The following VWA3B variants were observed in gnomAD, a reference collection of about 807,000 sequenced individuals.
VWA3B encodes von Willebrand factor A domain-containing protein 3B.
A neutral mutation model predicts 158.3 loss-of-function variants in VWA3B; 138 were observed. That is an observed-to-expected ratio of 0.87 (90% CI 0.76 to 1.00). The LOEUF (loss-of-function observed/expected upper bound fraction) is 1.00. VWA3B is among the 50% of genes least tolerant of loss of function. The pLI is 0.00. For missense variants in VWA3B, 1,555 were observed against 1,565.1 expected (o/e 0.99, Z 0.11); for synonymous variants, 596 against 587.3 (o/e 1.01, Z -0.21).
chr2:98,303,103 G>A (rs1690295617), intron 25 of VWA3B, among the ~76,000 whole-genome samples: 1 of 152,178 alleles, frequency 6.6e-6, no homozygotes, highest in African/African-American at 2.4e-5. Context: ...TGAAAGGGAG[G>A]GATGTTTTAA....
chr2:98,253,227 A>G (rs1234020146), intron 20 of VWA3B, among the ~76,000 whole-genome samples: 1 of 152,156 alleles, frequency 6.6e-6, no homozygotes, highest in Non-Finnish European at 1.5e-5. Context: ...TACCACCCCC[A>G]TCCCCTATAT....
chr2:98,196,828 G>A (rs1205424118), intron 12 of VWA3B, among the ~76,000 whole-genome samples: 1 of 152,138 alleles, frequency 6.6e-6, no homozygotes, highest in Non-Finnish European at 1.5e-5. Context: ...GTTTTGTTTT[G>A]CTTTTAACTT....
chr2:98,327,096 A>T, the VWA3B span, among the ~76,000 whole-genome samples: 3 of 151,608 alleles, frequency 2.0e-5, no homozygotes, highest in African/African-American at 7.3e-5. Context: ...GGAGTTTGAG[A>T]CCAGCCTGGG....
intron 20 of VWA3B, among the ~76,000 whole-genome samples, chr2:98,251,832 T>C (rs1345842914): frequency 2.0e-5 from 3 of 152,122 alleles, no homozygotes; most frequent in Admixed American, 6.5e-5. Context: ...TGAGCCTCCA[T>C]CGTTGCCCTC....
chr2:98,230,258 A>G (rs772316646), intron 16 of VWA3B, 51 bp downstream of exon 16: 5 of 1,456,688 alleles, frequency 3.4e-6, no homozygotes, highest in Non-Finnish European at 4.5e-6. Flanking sequence ...CTTCAAGGCA[A>G]GAAGATAGAA....
rs397873615 is a variant in VWA3B, at chr2:98,135,325, CTTTTT to C, written c.988+1410_988+1414del. Among the ~76,000 whole-genome samples, 3 of 96,390 alleles carry C rather than the reference CTTTTT, an allele frequency of 3.1e-5. 1 individual carries two copies. The highest frequency in any genetic ancestry group is 2.0e-5 in the Non-Finnish European group (1 of 50,598). 63.2% of individuals were successfully genotyped at this position (96,390 alleles called of 152,430 possible). A position where few individuals can be genotyped will look rare whatever the true frequency, so the allele number is the denominator to read the frequency against. On this transcript the variant is annotated intron_variant, in intron 7 of 27. Transcript: ENST00000477737. ...GCAAATTACATACAAAAACATTTTT[CTTTTT>C]TTTTTTTTTTTTTTTTTTTTTTTGA...
At chr2:98,294,452 G>A (rs1689684680) in intron 23 of VWA3B, among the ~76,000 whole-genome samples, 1 of 152,262 alleles carries the variant, frequency 6.6e-6, no homozygotes, top group African/African-American at 2.4e-5. Flanking sequence ...TGTTGCCACT[G>A]TTGTCGGGAT....
chr2:98,242,807 G>C (rs1278795419), intron 19 of VWA3B, among the ~76,000 whole-genome samples: 1 of 150,754 alleles, frequency 6.6e-6, no homozygotes, highest in African/African-American at 2.5e-5. Context: ...TGGCTATTCA[G>C]CTCACCATTT....
chr2:98,260,649 A>G (rs1687424636), intron 21 of VWA3B, among the ~76,000 whole-genome samples: 1 of 151,744 alleles, frequency 6.6e-6, no homozygotes, highest in Admixed American at 6.6e-5. Flanking sequence ...ATACCAAGGC[A>G]TAACTATACA....
rs188379291 is a variant in VWA3B at position 98,265,511 on chromosome 2, C to T, written c.2844-5171C>T. 2.9e-3 allele frequency among the ~76,000 whole-genome samples: 448 copies of T among 152,100 alleles called. 1 individual carries two copies. Among genetic ancestry groups the T allele is most frequent in the African/African-American group, 9.8e-3 (407 of 41,436 alleles). ...TAATGCCTCAATAAACATACGTGTG[C>T]GTGTGTCTTTATAGCAGCATGATTT... On this transcript the variant is annotated intron_variant, in intron 21 of 27. Transcript: ENST00000477737.
At chr2:98,254,442 G>T (rs971824936) in intron 20 of VWA3B, among the ~76,000 whole-genome samples, 1 of 152,092 alleles carries the variant, frequency 6.6e-6, no homozygotes, top group Non-Finnish European at 1.5e-5. Flanking sequence ...CCTAAAATGC[G>T]TACTATAAAT....
chr2:98,248,782 T>TC (rs1453466399), intron 19 of VWA3B, among the ~76,000 whole-genome samples: 2 of 152,172 alleles, frequency 1.3e-5, no homozygotes, highest in Non-Finnish European at 2.9e-5. Context: ...TAAAAACCTA[T>TC]CAGCGTGTGT....
intron 15 of VWA3B, 137 bp downstream of exon 15, chr2:98,228,469 G>A: frequency 9.0e-7 from 1 of 1,112,266 alleles, no homozygotes; most frequent in Non-Finnish European, 1.2e-6. Context: ...GATTAAGTTA[G>A]GATTTTTTTA....
At chr2:98,277,004 T>C (rs1688567206) in intron 22 of VWA3B, among the ~76,000 whole-genome samples, 1 of 152,182 alleles carries the variant, frequency 6.6e-6, no homozygotes, top group Non-Finnish European at 1.5e-5. Context: ...CTGTGCCTGC[T>C]TTTTATGCTC....
At chr2:98,276,651 A>T (rs957064925) in intron 22 of VWA3B, among the ~76,000 whole-genome samples, 3 of 146,942 alleles carry the variant, frequency 2.0e-5, no homozygotes, top group Non-Finnish European at 4.5e-5. Context: ...GGCTGTGGCC[A>T]TTGCGTTTGG....
chr2:98,229,950 C>CA (rs1401551514), intron 15 of VWA3B, 100 bp from the exon 16 acceptor site: 1 of 1,298,496 alleles, frequency 7.7e-7, no homozygotes, highest in Non-Finnish European at 1.0e-6. Flanking sequence ...TTAAAGTTTG[C>CA]AGTGTTCAAC....
chr2:98,330,072 C>T, the VWA3B span, among the ~76,000 whole-genome samples: 1 of 152,236 alleles, frequency 6.6e-6, no homozygotes, highest in Non-Finnish European at 1.5e-5. Context: ...TACCCTACAA[C>T]ATCTGGGACT....
At chr2:98,204,460 A>G (rs1445913522) in intron 12 of VWA3B, among the ~76,000 whole-genome samples, 1 of 152,200 alleles carries the variant, frequency 6.6e-6, no homozygotes, top group Non-Finnish European at 1.5e-5. Context: ...GAATTTTTAT[A>G]CTGAATGAAG....
At chr2:98,282,206 G>T (rs1688916791) in intron 22 of VWA3B, among the ~76,000 whole-genome samples, 1 of 152,124 alleles carries the variant, frequency 6.6e-6, no homozygotes, top group African/African-American at 2.4e-5. Flanking sequence ...TTTTCATCCT[G>T]GGAAGCCTAT....
Sources: gnomAD v4.1 joint callset for allele counts (sites outside exome capture counted in the v4.1 genomes callset) on GRCh38, gnomAD v4.1.1 for gene constraint, MANE v1.5 for transcripts, NCBI Gene and HGNC (gene_info 2026-07-23, HGNC 2026-07-21) for gene names.